Variants in CACNA1C observed in about 807,000 individuals in gnomAD.
The protein encoded by CACNA1C is calcium voltage-gated channel subunit alpha1 C.
A neutral mutation model predicts 229.0 loss-of-function variants in CACNA1C; 30 were observed. The observed-to-expected ratio is 0.13, with a 90% CI of 0.10 to 0.18. The LOEUF is 0.18. CACNA1C is among the 10% of genes least tolerant of loss of function. CACNA1C has a pLI of 1.00. For synonymous variants in CACNA1C, 1,114 were observed against 1,132.5 expected, an observed-to-expected ratio of 0.98 and a Z score of 0.33; for missense variants, 1,658 against 2,845.0, an observed-to-expected ratio of 0.58 and a Z score of 9.49.
At chr12:2,076,767 T>G (rs1026131463) in intron 1 of CACNA1C, among the ~76,000 whole-genome samples, 4 of 152,218 alleles carry the variant, frequency 2.6e-5, no homozygotes, top group Admixed American at 2.6e-4. Flanking sequence ...AATGAGCCCC[T>G]GCTTTATAGA....
intron 1 of CACNA1C, among the ~76,000 whole-genome samples, chr12:1,983,508 T>C (rs185977237): frequency 6.6e-6 from 1 of 152,174 alleles, no homozygotes; most frequent in African/African-American, 2.4e-5. Flanking sequence ...TGCTGTTTAA[T>C]TTCCAAATAT....
chr12:2,531,003 T>G (rs1298033257), intron 9 of CACNA1C, among the ~76,000 whole-genome samples: 2 of 152,258 alleles, frequency 1.3e-5, no homozygotes, highest in African/African-American at 4.8e-5. Flanking sequence ...CTTGCTTTTA[T>G]ATTCATGTGC....
chr12:2,679,310 G>A lies in CACNA1C; in HGVS notation c.5092-134G>A. On this transcript the variant is annotated intron_variant, in intron 41 of 46. Transcript: ENST00000399655. This position sits in a 1 kb window ranked among gnomAD's most constrained non-coding sequence, Gnocchi z 5.5. ...CCTCAGGTGCTCCTGGCTCCCAGCA[G>A]GGCTGTGCCTACCCGAAAGAAGGCA... is the stretch of plus-strand genomic sequence containing the variant. 3.1e-6 allele frequency: 2 copies of A among 643,846 alleles called. No homozygotes were observed. The highest frequency in any genetic ancestry group is 2.9e-5 in the Admixed American group (1 of 33,902). The allele number at this position is 643,846 out of a possible 1,614,324, so 39.9% of individuals were successfully genotyped here. A position where few individuals can be genotyped will look rare whatever the true frequency, so the allele number is the denominator to read the frequency against.
intron 3 of CACNA1C, among the ~76,000 whole-genome samples, chr12:2,265,315 G>A (rs1257901062): frequency 6.6e-6 from 1 of 152,172 alleles, no homozygotes; most frequent in Non-Finnish European, 1.5e-5. Flanking sequence ...AACAGCACAC[G>A]GGAGCATTTG....
At chr12:2,110,166 T>C (rs2081094343) in intron 1 of CACNA1C, among the ~76,000 whole-genome samples, 1 of 152,200 alleles carries the variant, frequency 6.6e-6, no homozygotes, top group Non-Finnish European at 1.5e-5. Flanking sequence ...GACTCCTCAC[T>C]TGGACCCTTG....
intron 10 of CACNA1C, among the ~76,000 whole-genome samples, chr12:2,555,900 G>C (rs1201512186): frequency 6.6e-6 from 1 of 151,754 alleles, no homozygotes; most frequent in East Asian, 1.9e-4. Flanking sequence ...GGCCTGCGGC[G>C]GTTGCCTCCC....
chr12:2,386,795 C>T (rs115275399), intron 3 of CACNA1C, among the ~76,000 whole-genome samples: 21 of 152,318 alleles, frequency 1.4e-4, no homozygotes, highest in African/African-American at 5.1e-4. Context: ...GGGAGTGCAG[C>T]ACCAGCATAG....
rs1344097004 is a variant in CACNA1C, at chr12:2,593,337, T to C, written c.2655T>C (p.Ser885=). 1 of 1,613,794 alleles carries C rather than the reference T, an allele frequency of 6.2e-7. No individual in the cohort carries two copies. The highest frequency in any genetic ancestry group is 8.5e-7 in the Non-Finnish European group (1 of 1,179,842). ...CCAGCGCGTTTTTCATCTTCAGCTC[T>C]AACAACAGGTGTGCAGCAATGGTGG... ...PEASAFFIFS[S]NNRFRLQCHR... The change falls in exon 19 of 47, where the codon TCT becomes TCC. Residue 885 remains serine (S), a synonymous_variant. Coordinates refer to ENST00000399655, the MANE Select transcript of CACNA1C (RefSeq NM_000719.7).
chr12:2,301,250 G>A (rs944455753), intron 3 of CACNA1C, among the ~76,000 whole-genome samples: 12 of 152,216 alleles, frequency 7.9e-5, no homozygotes, highest in Admixed American at 6.5e-5. Context: ...CCATCGCTTA[G>A]AGGGTATCGG....
chr12:2,491,634 A>T (rs1184549920), intron 6 of CACNA1C, among the ~76,000 whole-genome samples: 1 of 108,340 alleles, frequency 9.2e-6, no homozygotes, highest in African/African-American at 3.7e-5. Flanking sequence ...GAGGAGAAGA[A>T]GGAGGAGGAG....
intron 3 of CACNA1C, among the ~76,000 whole-genome samples, chr12:2,369,401 A>T (rs1340430310): frequency 3.4e-5 from 4 of 116,830 alleles, no homozygotes; most frequent in Admixed American, 8.4e-5. Flanking sequence ...AACTTTACAT[A>T]CCTTTTTTTT....
intron 13 of CACNA1C, among the ~76,000 whole-genome samples, chr12:2,578,482 G>A (rs2059360787): frequency 6.6e-6 from 1 of 152,132 alleles, no homozygotes; most frequent in Non-Finnish European, 1.5e-5. Flanking sequence ...GAGGCTTCGT[G>A]GGCCTCACCT....
upstream of CACNA1C, chr12:2,052,951 C>A: frequency 1.0e-6 from 1 of 978,060 alleles, no homozygotes; most frequent in Non-Finnish European, 1.2e-6. Context: ...GGGGCTGGGC[C>A]GGGGGGAGTG....
intron 1 of CACNA1C, among the ~76,000 whole-genome samples, chr12:2,078,366 A>G (rs1194003427): frequency 2.0e-5 from 3 of 152,232 alleles, no homozygotes; most frequent in African/African-American, 7.2e-5. Context: ...GCCTGAGCTG[A>G]TTAAGATACA....
chr12:2,680,233 C>A, intron 42 of CACNA1C: 1 of 645,862 alleles, frequency 1.5e-6, no homozygotes, highest in Non-Finnish European at 2.5e-6. Flanking sequence ...GAGAGGGCAT[C>A]CCCTGTGGGA....
intron 29 of CACNA1C, among the ~76,000 whole-genome samples, chr12:2,631,823 G>C (rs776738899): frequency 6.6e-6 from 1 of 152,148 alleles, no homozygotes; most frequent in African/African-American, 2.4e-5. Context: ...CCTGGGAACC[G>C]AAAGGCCCCT....
rs749035949 is a variant in CACNA1C, at chr12:2,691,006, A to C, written c.6224A>C (p.Glu2075Ala). ...TGCGACATGACCATAGAGGAGATGG[A>C]GAGCGCGGCCGACAACATCCTCAGC... ...DACDMTIEEM[E>A]SAADNILSGG... The change falls in exon 47 of 47, where the codon GAG (glutamate) becomes GCG (alanine). Residue 2075 changes from glutamate to alanine, a missense_variant. Coordinates refer to ENST00000399655, the MANE Select transcript of CACNA1C (RefSeq NM_000719.7). 7.5e-6 allele frequency: 12 copies of C among 1,600,426 alleles called. No homozygotes were observed. In the Admixed American group the frequency reaches 1.7e-4, roughly 23 times the overall value.
At chr12:1,982,866 C>T (rs2036551704) in intron 1 of CACNA1C, among the ~76,000 whole-genome samples, 1 of 152,032 alleles carries the variant, frequency 6.6e-6, no homozygotes, top group African/African-American at 2.4e-5. Context: ...TGGTATTATT[C>T]CTCCCTTGAA....
intron 1 of CACNA1C, among the ~76,000 whole-genome samples, chr12:2,013,605 T>C (rs1016925935): frequency 2.6e-5 from 4 of 152,240 alleles, no homozygotes; most frequent in Non-Finnish European, 5.9e-5. Context: ...TACAGATCTC[T>C]GCTCTGATAC....
Sources: gnomAD v4.1 joint callset for allele counts (sites outside exome capture counted in the v4.1 genomes callset) on GRCh38, gnomAD v4.1.1 for gene constraint, Gnocchi (gnomAD v3.1) non-coding constraint, MANE v1.5 for transcripts, NCBI Gene and HGNC (gene_info 2026-07-23, HGNC 2026-07-21) for gene names.